HEMK2: variants seen among roughly 807,000 people sequenced by gnomAD.
HEMK2 encodes methyltransferase HEMK2.
the HEMK2 span, among the ~76,000 whole-genome samples, chr21:28,784,117 G>A: frequency 3.9e-5 from 6 of 152,174 alleles, no homozygotes; most frequent in Non-Finnish European, 4.4e-5. Context: ...TGGTCCCATC[G>A]ACCACCCAAG....
At chr21:28,798,518 T>C in the HEMK2 span, among the ~76,000 whole-genome samples, 1 of 151,224 alleles carries the variant, frequency 6.6e-6, no homozygotes, top group South Asian at 2.1e-4. Flanking sequence ...TTTTTTTTTA[T>C]TATAATTGTT....
chr21:28,788,471 CTA>C, the HEMK2 span, among the ~76,000 whole-genome samples: 2 of 151,888 alleles, frequency 1.3e-5, no homozygotes, highest in South Asian at 4.2e-4. Flanking sequence ...GGAAGCTAAG[CTA>C]TGAGTACAAA....
At chr21:28,762,997 A>G in the HEMK2 span, among the ~76,000 whole-genome samples, 2 of 152,118 alleles carry the variant, frequency 1.3e-5, no homozygotes, top group Non-Finnish European at 2.9e-5. Context: ...CGGAAACAGG[A>G]AGCCCAGAGA....
the HEMK2 span, among the ~76,000 whole-genome samples, chr21:28,804,238 T>A: frequency 6.6e-6 from 1 of 152,222 alleles, no homozygotes; most frequent in African/African-American, 2.4e-5. Flanking sequence ...TTTACTTGAT[T>A]TTCTGTGCTG....
At chr21:28,843,029 TA>T in the HEMK2 span, among the ~76,000 whole-genome samples, 2 of 152,188 alleles carry the variant, frequency 1.3e-5, no homozygotes, top group African/African-American at 4.8e-5. Context: ...TAACTACTTA[TA>T]TTTAGACTTC....
At chr21:28,771,523 C>CCCCCG in the HEMK2 span, among the ~76,000 whole-genome samples, 1 of 106,182 alleles carries the variant, frequency 9.4e-6, no homozygotes, top group African/African-American at 3.8e-5. Flanking sequence ...GCACCACCCC[C>CCCCCG]CCCCGCCAAA....
At chr21:28,756,545 G>T in the HEMK2 span, among the ~76,000 whole-genome samples, 3 of 152,056 alleles carry the variant, frequency 2.0e-5, no homozygotes, top group Non-Finnish European at 4.4e-5. Context: ...CATTAAATAT[G>T]TATCATTTCA....
chr21:28,612,262 C>A, the HEMK2 span, among the ~76,000 whole-genome samples: 13,210 of 151,362 alleles, frequency 0.087, 836 homozygotes, highest in African/African-American at 0.17. Context: ...AGCAGGAATG[C>A]AGGAATAGTT....
chr21:28,738,883 C>T, the HEMK2 span, among the ~76,000 whole-genome samples: 1 of 152,230 alleles, frequency 6.6e-6, no homozygotes, highest in Non-Finnish European at 1.5e-5. Flanking sequence ...CAAAACAAGA[C>T]AGTTGGTGTC....
At chr21:28,674,105 C>G in the HEMK2 span, among the ~76,000 whole-genome samples, 1 of 152,188 alleles carries the variant, frequency 6.6e-6, no homozygotes. Flanking sequence ...CCAAAACCCA[C>G]TAAAAGCAAG....
the HEMK2 span, among the ~76,000 whole-genome samples, chr21:28,648,179 A>G: frequency 2.0e-5 from 3 of 152,232 alleles, no homozygotes; most frequent in Non-Finnish European, 4.4e-5. Context: ...AAAAATAATT[A>G]TTCCATGTTT....
At chr21:28,580,980 C>A in the HEMK2 span, among the ~76,000 whole-genome samples, 1 of 152,146 alleles carries the variant, frequency 6.6e-6, no homozygotes, top group African/African-American at 2.4e-5. Context: ...TTTACCCACA[C>A]CCCCATTGCC....
At chr21:28,698,529 G>C in the HEMK2 span, among the ~76,000 whole-genome samples, 1 of 151,974 alleles carries the variant, frequency 6.6e-6, no homozygotes, top group South Asian at 2.1e-4. Flanking sequence ...CTTTTTTAAA[G>C]AATTATTTAA....
chr21:28,808,793 C>T, the HEMK2 span, among the ~76,000 whole-genome samples: 8 of 152,030 alleles, frequency 5.3e-5, no homozygotes, highest in African/African-American at 1.7e-4. Flanking sequence ...TGTAAACAAC[C>T]ATGTCATTTG....
the HEMK2 span, among the ~76,000 whole-genome samples, chr21:28,697,090 C>A: frequency 1.3e-5 from 2 of 152,298 alleles, no homozygotes; most frequent in South Asian, 4.1e-4. Context: ...GAGACATTTT[C>A]CCTGTTGTCT....
the HEMK2 span, among the ~76,000 whole-genome samples, chr21:28,655,677 T>C: frequency 6.6e-6 from 1 of 152,026 alleles, no homozygotes; most frequent in Non-Finnish European, 1.5e-5. Flanking sequence ...ATCTACTTCA[T>C]AGGATTGTGG....
At chr21:28,879,197 A>T in the HEMK2 span, among the ~76,000 whole-genome samples, 1 of 146,380 alleles carries the variant, frequency 6.8e-6, no homozygotes. Context: ...TGATCCTCCC[A>T]CTTCAGCTTC....
chr21:28,822,747 A>G, the HEMK2 span, among the ~76,000 whole-genome samples: 1 of 152,192 alleles, frequency 6.6e-6, no homozygotes, highest in Admixed American at 6.5e-5. Flanking sequence ...ATTAGCATCA[A>G]CAAAGCTCTG....
chr21:28,588,785 C>A, the HEMK2 span, among the ~76,000 whole-genome samples: 3 of 151,928 alleles, frequency 2.0e-5, no homozygotes, highest in Non-Finnish European at 4.4e-5. Context: ...AGATCGAGAC[C>A]ATCCTGGCTA....
Sources: allele counts gnomAD v4.1 joint callset (sites outside exome capture counted in the v4.1 genomes callset), GRCh38; gene constraint gnomAD v4.1.1; transcripts MANE v1.5; gene names NCBI Gene and HGNC (gene_info 2026-07-23, HGNC 2026-07-21).